The following PTPRT variants were observed in gnomAD, a reference collection of about 807,000 sequenced individuals.
PTPRT encodes protein tyrosine phosphatase receptor type T.
In PTPRT, 56 loss-of-function variants were observed where a neutral mutation model predicts 176.8. The observed-to-expected ratio is 0.32, with a 90% CI of 0.26 to 0.40. The LOEUF (loss-of-function observed/expected upper bound fraction) is 0.40, where lower values mean the gene tolerates loss of function less well. Among genes scored for constraint, PTPRT ranks in the 10% least tolerant of loss-of-function variants. PTPRT has a pLI of 1.00. For synonymous variants in PTPRT, 783 were observed against 739.0 expected (o/e 1.06, Z -0.96); for missense variants, 1,540 against 1,908.2 (o/e 0.81, Z 3.60).
At chr20:42,607,521 T>G (rs187509282) in intron 7 of PTPRT, 1 of 152,366 alleles carries the variant, frequency 6.6e-6, no homozygotes, top group East Asian at 1.9e-4. Flanking sequence ...AAACCCAAGA[T>G]TCAGAGGCTG....
chr20:43,122,061 A>C (rs2013280141), intron 1 of PTPRT, among the ~76,000 whole-genome samples: 1 of 152,176 alleles, frequency 6.6e-6, no homozygotes, highest in African/African-American at 2.4e-5. Context: ...CCCCGGCTTC[A>C]GCATGCTTTA....
At chr20:42,528,640 C>T (rs1039860107) in intron 7 of PTPRT, among the ~76,000 whole-genome samples, 1 of 152,032 alleles carries the variant, frequency 6.6e-6, no homozygotes, top group African/African-American at 2.4e-5. Flanking sequence ...AAGTGTCAGC[C>T]TCAGGATAAC....
chr20:42,737,298 C>T (rs1403427131), intron 6 of PTPRT, among the ~76,000 whole-genome samples: 2 of 152,108 alleles, frequency 1.3e-5, no homozygotes, highest in Non-Finnish European at 2.9e-5. Context: ...ATTTATAAGC[C>T]AAGGAACACC....
At chr20:43,087,363 CTTTTTTTTTTTT>C (rs1207811758) in intron 1 of PTPRT, among the ~76,000 whole-genome samples, 1 of 50,370 alleles carries the variant, frequency 2.0e-5, no homozygotes, top group Non-Finnish European at 5.3e-5. Flanking sequence ...ACTGTCCGTC[CTTTTTTTTTTTT>C]TTTTTTTTTT....
At chr20:42,331,714 G>A (rs1298355124) in intron 11 of PTPRT, among the ~76,000 whole-genome samples, 2 of 152,126 alleles carry the variant, frequency 1.3e-5, no homozygotes, top group Admixed American at 6.5e-5. Flanking sequence ...CAACAGAATT[G>A]CCTGTGAATT....
chr20:43,151,317 CAAAA>C (rs11347519), intron 1 of PTPRT, among the ~76,000 whole-genome samples: 16 of 108,736 alleles, frequency 1.5e-4, no homozygotes, highest in African/African-American at 4.1e-4. Flanking sequence ...CCGTCTCAAA[CAAAA>C]AAAAAAAAAA....
intron 7 of PTPRT, among the ~76,000 whole-genome samples, chr20:42,668,922 G>C (rs1356954165): frequency 7.1e-6 from 1 of 140,890 alleles, no homozygotes; most frequent in African/African-American, 2.6e-5. Flanking sequence ...GTGTTGGCCA[G>C]GATGGTCTCG....
intron 9 of PTPRT, among the ~76,000 whole-genome samples, chr20:42,360,921 G>A (rs867387855): frequency 3.2e-4 from 48 of 152,312 alleles, no homozygotes; most frequent in African/African-American, 1.1e-3. Context: ...CATAGAGAAG[G>A]AGTCAATAAG....
chr20:42,665,470 T>C (rs1363094636), intron 7 of PTPRT, among the ~76,000 whole-genome samples: 10 of 152,000 alleles, frequency 6.6e-5, no homozygotes, highest in African/African-American at 2.2e-4. Flanking sequence ...TGTGGAGAAA[T>C]AGGAACACTT....
intron 11 of PTPRT, among the ~76,000 whole-genome samples, chr20:42,341,667 T>A (rs2058113219): frequency 6.6e-6 from 1 of 152,150 alleles, no homozygotes; most frequent in Non-Finnish European, 1.5e-5. Flanking sequence ...TGGATGCTAA[T>A]GACTCCCAAA....
intron 1 of PTPRT, among the ~76,000 whole-genome samples, chr20:42,923,006 C>A (rs756095066): frequency 7.9e-5 from 12 of 152,034 alleles, no homozygotes; most frequent in Non-Finnish European, 1.8e-4. Flanking sequence ...GGCTACTTTG[C>A]GAATGGTCTT....
chr20:42,512,993 G>A (rs2071985873), intron 7 of PTPRT, among the ~76,000 whole-genome samples: 1 of 152,064 alleles, frequency 6.6e-6, no homozygotes, highest in African/African-American at 2.4e-5. Context: ...TTGAGTAGCT[G>A]AGATTACAGG....
chr20:42,041,199 C>T, the PTPRT span, among the ~76,000 whole-genome samples: 1 of 152,260 alleles, frequency 6.6e-6, no homozygotes, highest in South Asian at 2.1e-4. Context: ...CTACTGCCCT[C>T]GATGCTCCCG....
chr20:42,471,134 G>C (rs531953265), intron 8 of PTPRT, among the ~76,000 whole-genome samples: 2 of 152,116 alleles, frequency 1.3e-5, no homozygotes, highest in African/African-American at 4.8e-5. Flanking sequence ...CAATGTGTAC[G>C]CTAAGCTTTT....
intron 7 of PTPRT, among the ~76,000 whole-genome samples, chr20:42,609,450 T>G (rs969474307): frequency 1.3e-5 from 2 of 152,188 alleles, no homozygotes; most frequent in African/African-American, 4.8e-5. Flanking sequence ...GGTCCTTGCC[T>G]TTATTTATTG....
chr20:42,927,562 A>G (rs984524611), intron 1 of PTPRT, among the ~76,000 whole-genome samples: 3 of 152,134 alleles, frequency 2.0e-5, no homozygotes, highest in South Asian at 2.1e-4. Flanking sequence ...AACTCCATCA[A>G]AAAGAAGAAA....
intron 2 of PTPRT, among the ~76,000 whole-genome samples, chr20:42,802,212 T>C (rs1190260097): frequency 1.3e-5 from 2 of 152,208 alleles, no homozygotes; most frequent in African/African-American, 2.4e-5. Flanking sequence ...GGACCACACT[T>C]TGATAACCAC....
At chr20:42,296,983 C>A (rs1278638131) in intron 12 of PTPRT, among the ~76,000 whole-genome samples, 1 of 150,986 alleles carries the variant, frequency 6.6e-6, no homozygotes, top group Non-Finnish European at 1.5e-5. Flanking sequence ...CTCAAAAATA[C>A]AAATTTAAAA....
At chr20:42,157,745 C>T (rs112277069) in intron 17 of PTPRT, among the ~76,000 whole-genome samples, 1,784 of 152,290 alleles carry the variant, frequency 0.012, 36 homozygotes, top group African/African-American at 0.039. Context: ...TACCTGCTTA[C>T]AACCAATAGT....
Sources: gnomAD v4.1 joint callset for allele counts (sites outside exome capture counted in the v4.1 genomes callset) on GRCh38, gnomAD v4.1.1 for gene constraint, MANE v1.5 for transcripts, NCBI Gene and HGNC (gene_info 2026-07-23, HGNC 2026-07-21) for gene names.